Variants in USH2A observed in about 807,000 individuals in gnomAD.
USH2A encodes the protein Usher syndrome 2A (autosomal recessive, mild).
A neutral mutation model predicts 538.9 loss-of-function variants in USH2A; 443 were observed. That is an observed-to-expected ratio of 0.82 (90% CI 0.76 to 0.89). The LOEUF is 0.89. USH2A is among the 40% of genes least tolerant of loss of function. The pLI is 0.00. For missense variants in USH2A, 6,633 were observed against 6,324.8 expected (o/e 1.05, Z -1.65); for synonymous variants, 2,413 against 2,273.5 (o/e 1.06, Z -1.75).
intron 26 of USH2A, among the ~76,000 whole-genome samples, chr1:216,081,341 G>T (rs1362666347): frequency 6.6e-6 from 1 of 152,134 alleles, no homozygotes; most frequent in Non-Finnish European, 1.5e-5. Flanking sequence ...TATATTTTGA[G>T]ATTCAAGGTT....
chr1:215,991,798 A>G (rs1370705480), intron 35 of USH2A, among the ~76,000 whole-genome samples: 2 of 152,228 alleles, frequency 1.3e-5, no homozygotes, highest in East Asian at 1.9e-4. Context: ...GAAGTGCTCT[A>G]CTATGCAAAT....
chr1:215,821,278 A>C (rs1220642826), intron 47 of USH2A, among the ~76,000 whole-genome samples: 1 of 151,582 alleles, frequency 6.6e-6, no homozygotes, highest in Non-Finnish European at 1.5e-5. Flanking sequence ...TATTTTATCA[A>C]AGCCATTTTA....
In USH2A at chr1:215,680,178, C is replaced by T. The variant is rs1658179050; in HGVS notation, c.12265G>A (p.Glu4089Lys). 6.2e-7 allele frequency: 1 copy of T among 1,614,156 alleles called. No individual in the cohort carries two copies. Residue 4089 changes from glutamate to lysine, a missense_variant, in exon 62 of 72, where the codon GAA (glutamate) becomes AAA (lysine). Coordinates refer to ENST00000307340, the MANE Select transcript of USH2A (RefSeq NM_206933.4). ...ATCACACCATTGGTTCTCATAGGTT[C>T]TGACCACTGTAGTAGCAATGCCCGG... ...NGRALLLQWS[E>K]PMRTNGVIKT... is the part of the protein sequence containing the mutation.
At chr1:215,817,280 T>G in intron 47 of USH2A, 85 bp from the exon 48 acceptor site, 1 of 888,766 alleles carries the variant, frequency 1.1e-6, no homozygotes, top group African/African-American at 1.7e-5. Context: ...GTGGCAGCAA[T>G]AGATACTAAT....
At chr1:215,844,000 G>A (rs944369286) in intron 46 of USH2A, among the ~76,000 whole-genome samples, 1 of 152,134 alleles carries the variant, frequency 6.6e-6, no homozygotes, top group Admixed American at 6.6e-5. Context: ...GAAAAGGTAA[G>A]CTGCTCAACA....
At chr1:216,420,330 C>A (rs2039655499) in intron 2 of USH2A, among the ~76,000 whole-genome samples, 2 of 152,062 alleles carry the variant, frequency 1.3e-5, no homozygotes, top group African/African-American at 4.8e-5. Context: ...TGTAAACATA[C>A]TAGCTTTGGT....
intron 38 of USH2A, among the ~76,000 whole-genome samples, chr1:215,906,662 A>C (rs539832968): frequency 1.3e-5 from 2 of 152,004 alleles, no homozygotes; most frequent in Non-Finnish European, 2.9e-5. Context: ...TCCCGGTCTT[A>C]TTTCTTTATC....
chr1:216,196,661 G>A lies in USH2A; in HGVS notation c.4143C>T (p.Ser1381=). Reference sequence around the variant, plus strand: ...TAACATTATCTGCTGGCTTCTCCCAGGAGATATTGAGAGAGTACGAAGAGA... The same window carrying A: ...TAACATTATCTGCTGGCTTCTCCCAAGAGATATTGAGAGAGTACGAAGAGA... The part of the protein sequence containing the change: ...FPLSSYSLNI[S]WEKPADNVTR... The change falls in exon 19 of 72, where the codon TCC becomes TCT. Residue 1381 remains serine (S), a synonymous_variant. Transcript: ENST00000307340. The A allele has an allele frequency of 6.2e-7, 1 of 1,613,542 alleles. No homozygotes were observed. The highest frequency in any genetic ancestry group is 2.2e-5 in the East Asian group (1 of 44,746).
chr1:215,854,062 A>C (rs1465150363), intron 44 of USH2A, among the ~76,000 whole-genome samples: 1 of 152,176 alleles, frequency 6.6e-6, no homozygotes, highest in Non-Finnish European at 1.5e-5. Flanking sequence ...GTCTGTTCTC[A>C]TGCTGCTGAT....
intron 37 of USH2A, among the ~76,000 whole-genome samples, chr1:215,936,351 G>A (rs1358007671): frequency 6.6e-6 from 1 of 152,052 alleles, no homozygotes; most frequent in Non-Finnish European, 1.5e-5. Flanking sequence ...TTTTAACACA[G>A]TTTAGTAGCA....
chr1:216,225,139 T>C (rs1021140516), intron 14 of USH2A, among the ~76,000 whole-genome samples: 6 of 152,174 alleles, frequency 3.9e-5, no homozygotes, highest in African/African-American at 1.4e-4. Flanking sequence ...AAATTTCTTA[T>C]ACTTGATGGA....
intron 44 of USH2A, among the ~76,000 whole-genome samples, chr1:215,861,988 C>T (rs911194964): frequency 1.2e-4 from 18 of 151,902 alleles, no homozygotes; most frequent in Middle Eastern, 3.2e-3. Flanking sequence ...TACAGGCATG[C>T]ACCACCACAC....
chr1:215,650,856 A>T, intron 64 of USH2A, 55 bp from the exon 65 acceptor site: 1 of 1,420,486 alleles, frequency 7.0e-7, no homozygotes, highest in African/African-American at 1.5e-5. Flanking sequence ...AGGCTGGGAA[A>T]AAAAAAAAAA....
intron 62 of USH2A, among the ~76,000 whole-genome samples, chr1:215,677,051 C>T (rs1373379574): frequency 1.3e-5 from 2 of 152,194 alleles, no homozygotes; most frequent in East Asian, 1.9e-4. Context: ...CTAACACCCT[C>T]TTCCCTCCCT....
chr1:215,838,148 ATACT>A (rs1489610895), intron 46 of USH2A, 45 bp from the exon 47 acceptor site: 6 of 1,442,836 alleles, frequency 4.2e-6, no homozygotes, highest in Admixed American at 1.7e-5. Flanking sequence ...CATTTTTGAA[ATACT>A]TACTAACAAT....
Position 216,236,205 on chromosome 1 carries a change from A to AT in USH2A, c.2810-4070dup, listed in dbSNP as rs202111984. 1.4e-3 allele frequency among the ~76,000 whole-genome samples: 210 copies of AT among 148,554 alleles called. 1 individual carries two copies. The highest frequency in any genetic ancestry group is 4.0e-3 in the East Asian group (20 of 5,060). Reference sequence around the variant, plus strand: ...GGTATGCTTTAAATGTTCTGCTGTTATTTTTTTTTTCTGGGCTGCTACTCC... The same window carrying AT: ...GGTATGCTTTAAATGTTCTGCTGTTATTTTTTTTTTTCTGGGCTGCTACTCC... On this transcript the variant is annotated intron_variant, in intron 13 of 71. Transcript: ENST00000307340.
At chr1:215,812,584 C>G (rs1449585403) in intron 49 of USH2A, among the ~76,000 whole-genome samples, 3 of 152,152 alleles carry the variant, frequency 2.0e-5, no homozygotes, top group Non-Finnish European at 4.4e-5. Flanking sequence ...AAATTTCACC[C>G]TAAACTAGAT....
chr1:216,190,090 A>G, intron 20 of USH2A, 133 bp downstream of exon 20: 1 of 1,281,414 alleles, frequency 7.8e-7, no homozygotes, highest in Non-Finnish European at 1.1e-6. Context: ...AAAACTGTTG[A>G]GGTAAGAAGC....
chr1:216,159,646 T>A (rs2034015075), intron 21 of USH2A, among the ~76,000 whole-genome samples: 2 of 152,052 alleles, frequency 1.3e-5, no homozygotes, highest in Non-Finnish European at 2.9e-5. Context: ...TTGTCAGATT[T>A]TAGTGTATAA....
Sources: gnomAD v4.1 joint callset for allele counts (sites outside exome capture counted in the v4.1 genomes callset) on GRCh38, gnomAD v4.1.1 for gene constraint, MANE v1.5 for transcripts, NCBI Gene and HGNC (gene_info 2026-07-23, HGNC 2026-07-21) for gene names.